Variants in TELO2 observed in about 807,000 individuals in gnomAD.
TELO2 encodes telomere length regulation protein TEL2 homolog.
TELO2 carries 71 observed loss-of-function variants against 91.0 expected under a neutral mutation model. That is an observed-to-expected ratio of 0.78 (90% CI 0.64 to 0.95). The LOEUF (loss-of-function observed/expected upper bound fraction) is 0.95. Ranked by LOEUF, TELO2 falls within the 40% of genes least tolerant of loss-of-function variation. The pLI, the probability that TELO2 is intolerant of heterozygous loss-of-function variation, is 0.00. For missense variants in TELO2, 1,183 were observed against 1,141.3 expected, an observed-to-expected ratio of 1.04 and a Z score of -0.53; for synonymous variants, 584 against 518.9, an observed-to-expected ratio of 1.13 and a Z score of -1.71.
chr16:1,502,556 G>A, intron 13 of TELO2, 89 bp from the exon 14 acceptor site: 1 of 1,534,600 alleles, frequency 6.5e-7, no homozygotes, highest in Admixed American at 1.8e-5. Flanking sequence ...CCTCTGCTGG[G>A]GTGGGTGGCT....
chr16:1,504,793 G>A (rs796358291), intron 15 of TELO2, among the ~76,000 whole-genome samples: 44 of 152,020 alleles, frequency 2.9e-4, no homozygotes, highest in African/African-American at 1.0e-3. Flanking sequence ...TCCTGACCTC[G>A]TGATCCGCCC....
intron 2 of TELO2, 126 bp from the exon 3 acceptor site, chr16:1,495,220 T>G: frequency 7.5e-7 from 1 of 1,326,712 alleles, no homozygotes; most frequent in Non-Finnish European, 1.0e-6. Context: ...GGCTTGTGGT[T>G]TTGGACTTCA....
chr16:1,505,729 G>A lies in TELO2; in HGVS notation c.2034+128G>A, dbSNP rs569735293. ...ATTCGCTGGGGATGGTGCCTTTGCC[G>A]GGATTCCTGAAAGGCAGGGTCCATG... On this transcript the variant is annotated intron_variant, in intron 16 of 20. Transcript: ENST00000262319. The surrounding 1 kb of genome is among the most constrained non-coding windows in gnomAD (Gnocchi z 4.3). The A allele has an allele frequency of 2.4e-5, 30 of 1,233,066 alleles. No individual in the cohort carries two copies. The highest frequency in any genetic ancestry group is 3.0e-5 in the South Asian group (2 of 66,798). The allele number at this position is 1,233,066 out of a possible 1,614,324, so 76.4% of individuals were successfully genotyped here. A position where few individuals can be genotyped will look rare whatever the true frequency, so the allele number is the denominator to read the frequency against.
chr16:1,496,949 C>T lies in TELO2; in HGVS notation c.614-87C>T, dbSNP rs917611805. 29 of 1,378,684 alleles carry T rather than the reference C, an allele frequency of 2.1e-5. No homozygotes were observed. In the South Asian group the frequency reaches 3.2e-4, roughly 15 times the overall value. The allele number at this position is 1,378,684 out of a possible 1,614,324, so 85.4% of individuals were successfully genotyped here. On this transcript the variant is annotated intron_variant, in intron 3 of 20. Transcript: ENST00000262319. ...GAGTTTTGCTGTCGGTTGGAGTCCG[C>T]CTGACCGAGAGCAGCTCTCCCCACA...
chr16:1,501,918 G>T, intron 11 of TELO2, 129 bp from the exon 12 acceptor site: 2 of 1,468,606 alleles, frequency 1.4e-6, no homozygotes, highest in South Asian at 1.1e-5. Context: ...GCAGCTCCCA[G>T]CTCCACCGTA....
intron 2 of TELO2, 84 bp from the exon 3 acceptor site, chr16:1,495,262 A>G: frequency 2.0e-6 from 3 of 1,470,436 alleles, no homozygotes; most frequent in East Asian, 2.5e-5. Flanking sequence ...TGCCCGTGTA[A>G]TCCGGGCTGC....
chr16:1,507,551 G>A (rs1325434507), intron 19 of TELO2, 50 bp from the exon 20 acceptor site: 1 of 1,529,028 alleles, frequency 6.5e-7, no homozygotes, highest in Admixed American at 1.9e-5. Flanking sequence ...GGAGTGGGAG[G>A]TCTGGGGTGT....
intron 3 of TELO2, among the ~76,000 whole-genome samples, chr16:1,496,468 G>C (rs1436520709): frequency 6.6e-6 from 1 of 152,230 alleles, no homozygotes; most frequent in Non-Finnish European, 1.5e-5. Context: ...AGGAGGCTTT[G>C]GGAACATCTC....
At chr16:1,506,731 C>T (rs1380729620) in intron 17 of TELO2, 119 of 1,393,802 alleles carry the variant, frequency 8.5e-5, no homozygotes, top group East Asian at 6.8e-4. Context: ...GTGGGGGTCT[C>T]GGCGTTGGGA....
At position 1,502,754 on chromosome 16, in the gene TELO2, C is replaced by T. The variant is rs749722771; in HGVS notation, c.1763C>T (p.Pro588Leu). 4 of 1,611,624 alleles carry T rather than the reference C, an allele frequency of 2.5e-6. No homozygotes were observed. Among genetic ancestry groups the T allele is most frequent in the African/African-American group, 1.3e-5 (1 of 74,912 alleles). ...RALVAVTVTDPAPVADYLTSQ... is the reference protein window; with the variant it reads ...RALVAVTVTDLAPVADYLTSQ... ...CTGGTGGCCGTCACGGTCACAGACC[C>T]GGCCCCGGTGAGTTCCCGCACCCGT... The change falls in exon 14 of 21, where the codon CCG becomes CTG. Residue 588 changes from proline (P) to leucine (L), a missense_variant. Transcript: ENST00000262319.
rs2039926617 is a variant in TELO2 at position 1,507,152 on chromosome 16, G to T, written c.2226+101G>T. On this transcript the variant is annotated intron_variant, in intron 18 of 20. Transcript: ENST00000262319. ...CCAGGGATGGGTGTCTGAGGGAGGG[G>T]CTGCCTGTGTGGGCCCCCGGGCAGC... The T allele has an allele frequency of 1.5e-5, 23 of 1,494,446 alleles. 1 individual carries two copies. In the South Asian group the frequency reaches 2.9e-4, roughly 19 times the overall value. The allele number at this position is 1,494,446 out of a possible 1,614,324, so 92.6% of individuals were successfully genotyped here.
At position 1,494,719 on chromosome 16, in the gene TELO2, A is replaced by T; in HGVS notation, c.335+103A>T. 8.1e-7 allele frequency: 1 copy of T among 1,238,660 alleles called. No individual in the cohort carries two copies. Among genetic ancestry groups the T allele is most frequent in the Non-Finnish European group, 1.1e-6 (1 of 911,744 alleles). The allele number at this position is 1,238,660 out of a possible 1,614,324, so 76.7% of individuals were successfully genotyped here. A position where few individuals can be genotyped will look rare whatever the true frequency, so the allele number is the denominator to read the frequency against. ...GCCTCTCTAGTCCCTGTGAGGGGCT[A>T]GAGAGAGAGCCTGCTCCTGGCTGAA... On this transcript the variant is annotated intron_variant, in intron 2 of 20. Transcript: ENST00000262319. This position sits in a 1 kb window ranked among gnomAD's most constrained non-coding sequence, Gnocchi z 5.6.
Position 1,494,433 on chromosome 16 carries a change from A to C in TELO2, c.152A>C (p.Lys51Thr). 6.2e-7 allele frequency: 1 copy of C among 1,613,418 alleles called. No individual in the cohort carries two copies. The highest frequency in any genetic ancestry group is 1.1e-5 in the South Asian group (1 of 91,058). Residue 51 changes from lysine (K) to threonine (T), a missense_variant, in exon 2 of 21, where the codon AAG becomes ACG. By Grantham distance (78) the Lys-to-Thr change is moderately conservative (BLOSUM62 -1). Coordinates refer to ENST00000262319, the MANE Select transcript of TELO2 (RefSeq NM_016111.4). This position sits in a 1 kb window ranked among gnomAD's most constrained non-coding sequence, Gnocchi z 5.6. ...GAGCCTCCAGCGCTCCCGAGGGAGA[A>C]GGAGGAGTTTGCCTCGGCCCACTTC... ...EMEPPALPRE[K>T]EEFASAHFSP...
At chr16:1,496,938 G>A in intron 3 of TELO2, 98 bp from the exon 4 acceptor site, 1 of 1,250,674 alleles carries the variant, frequency 8.0e-7, no homozygotes, top group South Asian at 1.3e-5. Context: ...TTTGCTGTCG[G>A]TTGGAGTCCG....
intron 20 of TELO2, among the ~76,000 whole-genome samples, chr16:1,508,369 G>A (rs2039985407): frequency 6.6e-6 from 1 of 152,102 alleles, no homozygotes; most frequent in Non-Finnish European, 1.5e-5. Context: ...CTGACCTCGT[G>A]ATCCACCCGC....
At chr16:1,503,441 C>T (rs1037471045) in intron 15 of TELO2, among the ~76,000 whole-genome samples, 1 of 152,120 alleles carries the variant, frequency 6.6e-6, no homozygotes, top group Non-Finnish European at 1.5e-5. Context: ...GTCCCAGTTA[C>T]TCGGGAGGCT....
intron 13 of TELO2, 98 bp from the exon 14 acceptor site, chr16:1,502,547 C>A: frequency 6.6e-7 from 1 of 1,521,710 alleles, no homozygotes; most frequent in South Asian, 1.2e-5. Flanking sequence ...GGCCTGGGGC[C>A]TCTGCTGGGG....
At chr16:1,503,474 C>G (rs1007046198) in intron 15 of TELO2, among the ~76,000 whole-genome samples, 1 of 152,072 alleles carries the variant, frequency 6.6e-6, no homozygotes, top group Non-Finnish European at 1.5e-5. Context: ...TCCCTCGAAC[C>G]CAGGAGGTGG....
In TELO2 at chr16:1,497,004, G is replaced by A. The variant is rs548207007; in HGVS notation, c.614-32G>A. 159 of 1,610,368 alleles carry A rather than the reference G, an allele frequency of 9.9e-5. 1 individual carries two copies. In the South Asian group the frequency reaches 1.6e-3, roughly 16 times the overall value. ...GATGTTCTTTTGTGCCTTCCCGCCG[G>A]CTTCCTCATCAGGCCTCCCTTTCTG... On this transcript the variant is annotated intron_variant, in intron 3 of 20. Transcript: ENST00000262319. The surrounding 1 kb of genome is among the most constrained non-coding windows in gnomAD (Gnocchi z 4.0).
Sources: allele counts gnomAD v4.1 joint callset (sites outside exome capture counted in the v4.1 genomes callset), GRCh38; gene constraint gnomAD v4.1.1; non-coding constraint Gnocchi (gnomAD v3.1); transcripts MANE v1.5; gene names NCBI Gene and HGNC (gene_info 2026-07-23, HGNC 2026-07-21).